HDAC9: variants seen among roughly 807,000 people sequenced by gnomAD.
The protein encoded by HDAC9 is histone deacetylase 9, also known as MEF-2 interacting transcription repressor (MITR) protein.
HDAC9 carries 41 observed loss-of-function variants against 139.4 expected under a neutral mutation model. The ratio of observed to expected loss-of-function variants is 0.29; its 90% CI spans 0.23 to 0.38. HDAC9 has a LOEUF of 0.38. Among genes scored for constraint, HDAC9 ranks in the 10% least tolerant of loss-of-function variants. HDAC9 has a pLI of 1.00. For synonymous variants in HDAC9, 517 were observed against 476.2 expected, an observed-to-expected ratio of 1.09 and a Z score of -1.12; for missense variants, 1,147 against 1,297.0, an observed-to-expected ratio of 0.88 and a Z score of 1.78.
chr7:18,897,185 C>G (rs1801278248), intron 22 of HDAC9, among the ~76,000 whole-genome samples: 1 of 151,794 alleles, frequency 6.6e-6, no homozygotes, highest in African/African-American at 2.4e-5. Context: ...TCTGGTCTGA[C>G]TGAATTTTTC....
chr7:18,179,564 C>T (rs1246049225), intron 2 of HDAC9, among the ~76,000 whole-genome samples: 1 of 152,048 alleles, frequency 6.6e-6, no homozygotes, highest in Non-Finnish European at 1.5e-5. Context: ...CCATTCTCTA[C>T]CCTCCCTCTC....
chr7:18,409,102 C>CA (rs1448896984), intron 1 of HDAC9, among the ~76,000 whole-genome samples: 1 of 152,000 alleles, frequency 6.6e-6, no homozygotes, highest in Non-Finnish European at 1.5e-5. Flanking sequence ...AGTTGCCTTG[C>CA]AAAAAAATTC....
intron 17 of HDAC9, among the ~76,000 whole-genome samples, chr7:18,827,553 C>G (rs1795546358): frequency 6.6e-6 from 1 of 152,132 alleles, no homozygotes; most frequent in South Asian, 2.1e-4. Flanking sequence ...AAAATGGCTT[C>G]TCTCTGGGTT....
At chr7:18,800,859 T>G (rs1736954075) in intron 17 of HDAC9, among the ~76,000 whole-genome samples, 1 of 151,558 alleles carries the variant, frequency 6.6e-6, no homozygotes, top group African/African-American at 2.4e-5. Flanking sequence ...TAATAATAAT[T>G]TCTCCAAAGA....
chr7:18,340,390 TCTA>T (rs1278114271), intron 1 of HDAC9, among the ~76,000 whole-genome samples: 1 of 151,546 alleles, frequency 6.6e-6, no homozygotes, highest in African/African-American at 2.4e-5. Flanking sequence ...TAGGTTTAAA[TCTA>T]CTATTTTGCT....
intron 13 of HDAC9, among the ~76,000 whole-genome samples, chr7:18,734,046 A>G (rs1786652166): frequency 6.6e-6 from 1 of 152,164 alleles, no homozygotes; most frequent in South Asian, 2.1e-4. Context: ...TTTCACGTAT[A>G]CCTTGTTTTA....
chr7:18,129,310 T>C (rs914963657), intron 1 of HDAC9, among the ~76,000 whole-genome samples: 1 of 152,144 alleles, frequency 6.6e-6, no homozygotes, highest in Non-Finnish European at 1.5e-5. Flanking sequence ...TTTGTTTTCT[T>C]TCTTCTCTCT....
chr7:18,213,304 C>T, intron 2 of HDAC9, among the ~76,000 whole-genome samples: 1 of 152,068 alleles, frequency 6.6e-6, no homozygotes, highest in Middle Eastern at 3.2e-3. Flanking sequence ...CCATTTTTCT[C>T]CTTACAACCT....
Position 18,782,703 on chromosome 7 carries a change from AT to A in HDAC9, c.2215-10633del, listed in dbSNP as rs5882671. ...GTAATGTTAGAAGCAAAATGCGGGG[AT>A]TTTTTTTTCTTAGTTACCATTGACT... On this transcript the variant is annotated intron_variant, in intron 16 of 25. Transcript: ENST00000686413. 1.2e-4 allele frequency among the ~76,000 whole-genome samples: 18 copies of A among 151,634 alleles called. No individual in the cohort carries two copies. The East Asian group carries it at 3.3e-3, about 28-fold the overall frequency.
intron 2 of HDAC9, among the ~76,000 whole-genome samples, chr7:18,518,401 G>C (rs1182561379): frequency 6.6e-6 from 1 of 152,192 alleles, no homozygotes; most frequent in African/African-American, 2.4e-5. Context: ...GGGAGAGACT[G>C]TCAATTCCAT....
chr7:18,937,709 C>T (rs539462329), intron 23 of HDAC9, among the ~76,000 whole-genome samples: 1 of 152,144 alleles, frequency 6.6e-6, no homozygotes, highest in Non-Finnish European at 1.5e-5. Context: ...TAAAGGCTTA[C>T]ACCAGATGTG....
At chr7:18,121,702 G>A (rs1784375128) in intron 1 of HDAC9, among the ~76,000 whole-genome samples, 1 of 152,138 alleles carries the variant, frequency 6.6e-6, no homozygotes, top group African/African-American at 2.4e-5. Context: ...GCTTTTCAAC[G>A]TGAATTTCAA....
intron 11 of HDAC9, among the ~76,000 whole-genome samples, chr7:18,656,939 C>T (rs1382804049): frequency 6.6e-6 from 1 of 151,292 alleles, no homozygotes; most frequent in African/African-American, 2.5e-5. Flanking sequence ...CACGTGCTCA[C>T]CTGCATTCAT....
intron 1 of HDAC9, among the ~76,000 whole-genome samples, chr7:18,490,618 T>C (rs1796293530): frequency 6.6e-6 from 1 of 151,968 alleles, no homozygotes; most frequent in Non-Finnish European, 1.5e-5. Context: ...GTATCCCTTA[T>C]TCACATAGAA....
Position 18,803,440 on chromosome 7 carries a change from G to A in HDAC9, c.2322+9988G>A, listed in dbSNP as rs910026325. On this transcript the variant is annotated intron_variant, in intron 17 of 25. Coordinates refer to ENST00000686413, the MANE Select transcript of HDAC9 (RefSeq NM_178425.4). Reference sequence around the variant, plus strand: ...ATTGTATCTGAAACCTCTGTTCTGGGATTGTTTTCTTTCTTCCAGGACATT... The same window carrying A: ...ATTGTATCTGAAACCTCTGTTCTGGAATTGTTTTCTTTCTTCCAGGACATT... Among the ~76,000 whole-genome samples the A allele has an allele frequency of 2.6e-5, 4 of 152,030 alleles. No individual in the cohort carries two copies. In the South Asian group the frequency reaches 8.3e-4, roughly 32 times the overall value.
intron 1 of HDAC9, among the ~76,000 whole-genome samples, chr7:18,098,792 G>T (rs1782669202): frequency 6.6e-6 from 1 of 152,186 alleles, no homozygotes; most frequent in Non-Finnish European, 1.5e-5. Flanking sequence ...CTCTTGAATA[G>T]ATTTCACACA....
intron 2 of HDAC9, among the ~76,000 whole-genome samples, chr7:18,171,130 G>T (rs977162792): frequency 1.3e-5 from 2 of 152,110 alleles, no homozygotes; most frequent in Non-Finnish European, 2.9e-5. Context: ...ATTGAGCAGT[G>T]GTTTGTAGTT....
chr7:18,226,242 A>G (rs920692490), intron 2 of HDAC9, among the ~76,000 whole-genome samples: 1 of 152,122 alleles, frequency 6.6e-6, no homozygotes, highest in African/African-American at 2.4e-5. Context: ...TTCTTGTCTC[A>G]AGGAGCAAAT....
At chr7:18,095,618 C>T (rs967951977) in intron 1 of HDAC9, among the ~76,000 whole-genome samples, 1 of 152,158 alleles carries the variant, frequency 6.6e-6, no homozygotes, top group Non-Finnish European at 1.5e-5. Context: ...ACTAAGACTA[C>T]AGGTCTGTAC....
Sources: gnomAD v4.1 joint callset for allele counts (sites outside exome capture counted in the v4.1 genomes callset) on GRCh38, gnomAD v4.1.1 for gene constraint, MANE v1.5 for transcripts, NCBI Gene and HGNC (gene_info 2026-07-23, HGNC 2026-07-21) for gene names.